Variants in THSD7A observed in about 807,000 individuals in gnomAD.
The protein encoded by THSD7A is thrombospondin type-1 domain-containing protein 7A.
In THSD7A, 96 loss-of-function variants were observed where a neutral mutation model predicts 231.3. The observed-to-expected ratio is 0.41, with a 90% confidence interval of 0.35 to 0.49. The LOEUF is 0.49. Ranked by LOEUF, THSD7A falls within the 20% of genes least tolerant of loss-of-function variation. The pLI, the probability that THSD7A is intolerant of heterozygous loss-of-function variation, is 0.05. For missense variants in THSD7A, 2,290 were observed against 2,070.2 expected (o/e 1.11, Z -2.06); for synonymous variants, 940 against 743.3 (o/e 1.26, Z -4.30).
intron 1 of THSD7A, among the ~76,000 whole-genome samples, chr7:11,749,602 C>T (rs1782432749): frequency 6.6e-6 from 1 of 151,936 alleles, no homozygotes. Context: ...TTACTGTGAC[C>T]ATTCTTCATG....
At chr7:11,393,356 A>G (rs952052813) in intron 23 of THSD7A, among the ~76,000 whole-genome samples, 2 of 152,222 alleles carry the variant, frequency 1.3e-5, no homozygotes, top group African/African-American at 4.8e-5. Context: ...AGAGACCCCG[A>G]ACTGAAGGTA....
chr7:11,782,113 A>G (rs1323263546), intron 1 of THSD7A, among the ~76,000 whole-genome samples: 1 of 152,194 alleles, frequency 6.6e-6, no homozygotes, highest in African/African-American at 2.4e-5. Flanking sequence ...ATAAAGTTGT[A>G]ATGTAATTTT....
chr7:11,483,920 C>G (rs187013843), intron 6 of THSD7A, among the ~76,000 whole-genome samples: 1 of 152,100 alleles, frequency 6.6e-6, no homozygotes, highest in African/African-American at 2.4e-5. Flanking sequence ...GCTTGCCTAG[C>G]GTAAGTAATG....
chr7:11,783,276 A>G (rs1467936008), intron 1 of THSD7A, among the ~76,000 whole-genome samples: 1 of 152,158 alleles, frequency 6.6e-6, no homozygotes, highest in Non-Finnish European at 1.5e-5. Flanking sequence ...GAACACTTAC[A>G]TTAGCCTACT....
At position 11,446,180 on chromosome 7, in the gene THSD7A, A is replaced by G. The variant is rs1397582139; in HGVS notation, c.2945T>C (p.Leu982Ser). The change falls in exon 13 of 28, where the codon TTG becomes TCG. Residue 982 changes from leucine (L) to serine (S), a missense_variant. Transcript: ENST00000423059. This position sits in a 1 kb window ranked among gnomAD's most constrained non-coding sequence, Gnocchi z 4.0. The stretch of plus-strand genomic sequence containing the variant: ...GTCTCCTTGTACTTTCATTCCCAGC[A>G]ACACTTCCACTTTTCCCTCTGGTAA... ...CILPEGKVEV[L>S]LGMKVQGDIK... The G allele has an allele frequency of 1.2e-6, 2 of 1,613,504 alleles. No individual in the cohort carries two copies. Among genetic ancestry groups the G allele is most frequent in the Non-Finnish European group, 1.7e-6 (2 of 1,179,636 alleles).
At chr7:11,437,102 A>T (rs990720020) in intron 13 of THSD7A, among the ~76,000 whole-genome samples, 1 of 152,116 alleles carries the variant, frequency 6.6e-6, no homozygotes, top group Non-Finnish European at 1.5e-5. Flanking sequence ...ATAAGGACAC[A>T]GGATCTATTG....
intron 6 of THSD7A, among the ~76,000 whole-genome samples, chr7:11,491,616 A>G (rs1009342051): frequency 8.7e-6 from 1 of 115,196 alleles, no homozygotes; most frequent in Non-Finnish European, 2.1e-5. Flanking sequence ...ACTAAATAAG[A>G]TAAATTATAT....
intron 1 of THSD7A, among the ~76,000 whole-genome samples, chr7:11,744,427 ATTTTT>A (rs1241000987): frequency 6.6e-6 from 1 of 150,682 alleles, no homozygotes; most frequent in Non-Finnish European, 1.5e-5. Context: ...TTTTTTTATT[ATTTTT>A]TATTTTTATT....
At chr7:11,546,200 G>A (rs367741190) in intron 4 of THSD7A, among the ~76,000 whole-genome samples, 5 of 40,824 alleles carry the variant, frequency 1.2e-4, no homozygotes, top group African/African-American at 4.0e-4. Context: ...GTGTGGGCGC[G>A]CGCTCACACA....
At position 11,725,628 on chromosome 7, in the gene THSD7A, G is replaced by A. The variant is rs142815179; in HGVS notation, c.191-88667C>T. 1.4e-4 allele frequency among the ~76,000 whole-genome samples: 21 copies of A among 152,086 alleles called. 1 individual carries two copies. The highest frequency in any genetic ancestry group is 5.1e-4 in the African/African-American group (21 of 41,528). On this transcript the variant is annotated intron_variant, in intron 1 of 27. Transcript: ENST00000423059. ...GGTTAATTAGTTTTTAAAATAAACT[G>A]TCATGTATTTTAAATAGACTTATAT...
At chr7:11,735,277 A>G (rs1271706434) in intron 1 of THSD7A, among the ~76,000 whole-genome samples, 2 of 151,850 alleles carry the variant, frequency 1.3e-5, no homozygotes, top group African/African-American at 4.8e-5. Flanking sequence ...TTTTACCCGT[A>G]TATTAAAGAG....
intron 6 of THSD7A, among the ~76,000 whole-genome samples, chr7:11,536,407 C>T (rs1788917236): frequency 6.6e-6 from 1 of 152,188 alleles, no homozygotes; most frequent in African/African-American, 2.4e-5. Flanking sequence ...GCTTCAGCCT[C>T]ATCCCTGACT....
intron 6 of THSD7A, among the ~76,000 whole-genome samples, chr7:11,504,749 A>G (rs1787474906): frequency 6.6e-6 from 1 of 152,146 alleles, no homozygotes; most frequent in African/African-American, 2.4e-5. Context: ...AACTCAGTAA[A>G]TCAATTCCAC....
chr7:11,412,602 C>T, intron 18 of THSD7A, 54 bp downstream of exon 18: 1 of 1,604,526 alleles, frequency 6.2e-7, no homozygotes, highest in Non-Finnish European at 8.5e-7. Flanking sequence ...TGCTTCAGAG[C>T]TGACAGACAC....
At chr7:11,392,334 TGGTGCATTCCGGCCCAGATA>T (rs1484809965) in intron 23 of THSD7A, among the ~76,000 whole-genome samples, 2 of 151,832 alleles carry the variant, frequency 1.3e-5, no homozygotes, top group Non-Finnish European at 2.9e-5. Context: ...CCATGAGGAA[TGGTGCATTCCGGCCCAGATA>T]CTATGCTTTT....
intron 9 of THSD7A, among the ~76,000 whole-genome samples, chr7:11,464,090 C>T (rs778885615): frequency 2.0e-5 from 3 of 152,116 alleles, no homozygotes; most frequent in Non-Finnish European, 4.4e-5. Flanking sequence ...TTCCTATTCA[C>T]TACCTGGATT....
intron 1 of THSD7A, among the ~76,000 whole-genome samples, chr7:11,734,055 G>T (rs1168295106): frequency 6.6e-6 from 1 of 151,760 alleles, no homozygotes; most frequent in African/African-American, 2.4e-5. Context: ...CTCCCTTGGA[G>T]ACTCCCTTGA....
At chr7:11,421,622 A>G (rs1381961278) in intron 16 of THSD7A, among the ~76,000 whole-genome samples, 1 of 152,220 alleles carries the variant, frequency 6.6e-6, no homozygotes, top group Admixed American at 6.5e-5. Context: ...AATTTCCACA[A>G]TTTCATCAGA....
chr7:11,598,611 C>G (rs1042109484), intron 2 of THSD7A, among the ~76,000 whole-genome samples: 4 of 152,206 alleles, frequency 2.6e-5, no homozygotes, highest in Admixed American at 2.6e-4. Flanking sequence ...ACAACGTAAA[C>G]AAGGTAACAA....
Sources: allele counts gnomAD v4.1 joint callset (sites outside exome capture counted in the v4.1 genomes callset), GRCh38; gene constraint gnomAD v4.1.1; non-coding constraint Gnocchi (gnomAD v3.1); transcripts MANE v1.5; gene names NCBI Gene and HGNC (gene_info 2026-07-23, HGNC 2026-07-21).